SLC25A21: variants seen among roughly 807,000 people sequenced by gnomAD.
SLC25A21 encodes the protein mitochondrial 2-oxodicarboxylate carrier.
Under a neutral mutation model 43.8 loss-of-function variants are expected in SLC25A21, and 47 were observed. That is an observed-to-expected ratio of 1.07 (90% CI 0.85 to 1.37). The LOEUF (loss-of-function observed/expected upper bound fraction) is 1.37, where lower values mean the gene tolerates loss of function less well. Among genes scored for constraint, SLC25A21 ranks in the 40% most tolerant of loss-of-function variants. The probability of loss-of-function intolerance (pLI) is 0.00; values close to 1 mark genes in which losing one functional copy is unlikely to be tolerated. For missense variants in SLC25A21, 352 were observed against 350.2 expected (o/e 1.00, Z -0.04); for synonymous variants, 131 against 121.3 (o/e 1.08, Z -0.52).
At chr14:36,895,639 C>G (rs1891216149) in intron 1 of SLC25A21, among the ~76,000 whole-genome samples, 1 of 152,098 alleles carries the variant, frequency 6.6e-6, no homozygotes, top group African/African-American at 2.4e-5. Context: ...GTTAGGGTGT[C>G]AATTTTAGAT....
At chr14:36,891,205 G>A (rs1326882111) in intron 1 of SLC25A21, among the ~76,000 whole-genome samples, 1 of 152,140 alleles carries the variant, frequency 6.6e-6, no homozygotes, top group Non-Finnish European at 1.5e-5. Context: ...CTTGATGGAT[G>A]AAAATTATAA....
intron 1 of SLC25A21, among the ~76,000 whole-genome samples, chr14:36,880,796 AT>A (rs1415645690): frequency 1.3e-5 from 2 of 152,214 alleles, no homozygotes; most frequent in Admixed American, 6.5e-5. Context: ...GAAGTATGAT[AT>A]TGTTAATCAC....
intron 1 of SLC25A21, among the ~76,000 whole-genome samples, chr14:36,971,099 G>T (rs1478252789): frequency 6.6e-6 from 1 of 152,128 alleles, no homozygotes; most frequent in Non-Finnish European, 1.5e-5. Flanking sequence ...ATTAGGTGAG[G>T]CAAACTGAAA....
intron 1 of SLC25A21, among the ~76,000 whole-genome samples, chr14:37,051,012 A>G (rs1040338338): frequency 1.4e-5 from 2 of 139,370 alleles, no homozygotes; most frequent in Non-Finnish European, 3.2e-5. Context: ...CTCTCAATCA[A>G]TTTACCCTAC....
chr14:37,004,564 A>G (rs938126315), intron 1 of SLC25A21, among the ~76,000 whole-genome samples: 1 of 152,226 alleles, frequency 6.6e-6, no homozygotes, highest in African/African-American at 2.4e-5. Flanking sequence ...CTGTGCCACC[A>G]AGTGGCTAAT....
At chr14:36,856,780 G>A (rs1889911484) in intron 2 of SLC25A21, among the ~76,000 whole-genome samples, 1 of 152,170 alleles carries the variant, frequency 6.6e-6, no homozygotes, top group Admixed American at 6.5e-5. Context: ...GGGTGGAGGG[G>A]CATGAAGGAG....
At chr14:37,075,676 G>A (rs1465984402) in intron 1 of SLC25A21, among the ~76,000 whole-genome samples, 1 of 152,116 alleles carries the variant, frequency 6.6e-6, no homozygotes, top group Non-Finnish European at 1.5e-5. Context: ...AGACATCCCA[G>A]TTTATCTTTG....
intron 7 of SLC25A21, among the ~76,000 whole-genome samples, chr14:36,696,956 C>T (rs567289037): frequency 2.3e-4 from 35 of 152,068 alleles, no homozygotes; most frequent in Admixed American, 1.3e-3. Context: ...TGCTAGCTTT[C>T]GAATGTGTTT....
chr14:36,924,274 C>T (rs1892066996), intron 1 of SLC25A21, among the ~76,000 whole-genome samples: 1 of 152,156 alleles, frequency 6.6e-6, no homozygotes, highest in African/African-American at 2.4e-5. Context: ...TTGGAACCAA[C>T]CCAAATGCCC....
chr14:36,981,142 C>A (rs1477931165), intron 1 of SLC25A21, among the ~76,000 whole-genome samples: 2 of 152,012 alleles, frequency 1.3e-5, no homozygotes, highest in Non-Finnish European at 2.9e-5. Flanking sequence ...AATGAGATAC[C>A]ATCTCACACC....
intron 1 of SLC25A21, among the ~76,000 whole-genome samples, chr14:37,157,234 G>A (rs1963867072): frequency 1.3e-5 from 2 of 152,066 alleles, no homozygotes; most frequent in Non-Finnish European, 2.9e-5. Context: ...GGTGGTGCAT[G>A]CCTGTAATCC....
intron 2 of SLC25A21, among the ~76,000 whole-genome samples, chr14:36,827,055 C>A (rs1199443952): frequency 6.6e-6 from 1 of 152,182 alleles, no homozygotes; most frequent in Non-Finnish European, 1.5e-5. Flanking sequence ...TTCCCTCTTC[C>A]TTTTGTTCCC....
intron 1 of SLC25A21, among the ~76,000 whole-genome samples, chr14:37,112,772 G>A (rs1037479643): frequency 1.3e-5 from 2 of 152,158 alleles, no homozygotes; most frequent in African/African-American, 4.8e-5. Context: ...TTAGATGGGA[G>A]TCATATTTTG....
chr14:36,863,549 C>A (rs538301038), intron 2 of SLC25A21, among the ~76,000 whole-genome samples: 2 of 152,176 alleles, frequency 1.3e-5, no homozygotes, highest in Admixed American at 6.5e-5. Flanking sequence ...AACAGCCTTT[C>A]CAGATTATAA....
At chr14:37,042,623 A>ATT (rs1961498027) in intron 1 of SLC25A21, among the ~76,000 whole-genome samples, 1 of 152,232 alleles carries the variant, frequency 6.6e-6, no homozygotes, top group African/African-American at 2.4e-5. Context: ...TTGTATTAGA[A>ATT]AAGCATTCTT....
chr14:37,022,765 C>T (rs901816279), intron 1 of SLC25A21, among the ~76,000 whole-genome samples: 8 of 152,100 alleles, frequency 5.3e-5, no homozygotes, highest in East Asian at 1.9e-4. Flanking sequence ...CAACCTTTGA[C>T]TATGCCCAAA....
chr14:36,984,876 C>T (rs148314922), intron 1 of SLC25A21, among the ~76,000 whole-genome samples: 10,099 of 151,696 alleles, frequency 0.067, 361 homozygotes, highest in Admixed American at 0.08. Flanking sequence ...CACATGCTCA[C>T]GTATGTTTAT....
chr14:37,061,756 A>G (rs1224722819), intron 1 of SLC25A21, among the ~76,000 whole-genome samples: 1 of 152,208 alleles, frequency 6.6e-6, no homozygotes, highest in Non-Finnish European at 1.5e-5. Flanking sequence ...GGTGCAGCCC[A>G]TGTTATTGCA....
At chr14:36,915,667 G>A (rs1201733884) in intron 1 of SLC25A21, among the ~76,000 whole-genome samples, 1 of 152,060 alleles carries the variant, frequency 6.6e-6, no homozygotes, top group Non-Finnish European at 1.5e-5. Context: ...CAGTTATTGA[G>A]GTTCCTGCTG....
Sources: allele counts gnomAD v4.1 joint callset (sites outside exome capture counted in the v4.1 genomes callset), GRCh38; gene constraint gnomAD v4.1.1; transcripts MANE v1.5; gene names NCBI Gene and HGNC (gene_info 2026-07-23, HGNC 2026-07-21).